Variants in NCKAP5 observed in about 807,000 individuals in gnomAD.
NCKAP5 encodes nck-associated protein 5.
A neutral mutation model predicts 167.0 loss-of-function variants in NCKAP5; 92 were observed. The ratio of observed to expected loss-of-function variants is 0.55; its 90% CI spans 0.47 to 0.66. NCKAP5 has a LOEUF of 0.66. Ranked by LOEUF, NCKAP5 falls within the 30% of genes least tolerant of loss-of-function variation. NCKAP5 has a pLI of 0.00. For missense variants in NCKAP5, 2,378 were observed against 2,315.0 expected (o/e 1.03, Z -0.56); for synonymous variants, 891 against 877.4 (o/e 1.02, Z -0.27).
chr2:133,128,863 C>T (rs2149790280), intron 6 of NCKAP5, among the ~76,000 whole-genome samples: 1 of 151,974 alleles, frequency 6.6e-6, no homozygotes, highest in East Asian at 1.9e-4. Flanking sequence ...CTTCCAAAGT[C>T]CTGGAATTAC....
At chr2:133,100,409 C>T (rs1178964609) in intron 6 of NCKAP5, among the ~76,000 whole-genome samples, 1 of 152,078 alleles carries the variant, frequency 6.6e-6, no homozygotes. Context: ...TGTAGTTGGG[C>T]CATTTTACAG....
At chr2:133,404,356 T>G (rs1165311486) in intron 3 of NCKAP5, among the ~76,000 whole-genome samples, 2 of 152,186 alleles carry the variant, frequency 1.3e-5, no homozygotes, top group African/African-American at 4.8e-5. Flanking sequence ...CCAAAACCAC[T>G]AGTGGATGCC....
intron 14 of NCKAP5, 54 bp from the exon 15 acceptor site, chr2:132,781,283 C>A: frequency 1.3e-6 from 2 of 1,525,080 alleles, no homozygotes. Context: ...TCTTCAATCA[C>A]TCTCCTTTTC....
At chr2:133,524,378 G>A (rs112068821) in intron 2 of NCKAP5, among the ~76,000 whole-genome samples, 1 of 152,244 alleles carries the variant, frequency 6.6e-6, no homozygotes. Flanking sequence ...ACCTTTATCC[G>A]TATCTCCACT....
At position 132,869,058 on chromosome 2, in the gene NCKAP5, A is replaced by G. The variant is rs567823918; in HGVS notation, c.649-84T>C. 49 of 924,108 alleles carry G rather than the reference A, an allele frequency of 5.3e-5. No homozygotes were observed. In the South Asian group the frequency reaches 8.6e-4, roughly 16 times the overall value. The allele number at this position is 924,108 out of a possible 1,614,324, so 57.2% of individuals were successfully genotyped here. On this transcript the variant is annotated intron_variant, in intron 9 of 19. Coordinates refer to ENST00000409261, the MANE Select transcript of NCKAP5 (RefSeq NM_207363.3). Reference sequence around the variant, plus strand: ...TCTAATTTACCAATAAGTTTCTCGCAGCTTATTGTAGCTAATTAGCTCCTC... The same window carrying G: ...TCTAATTTACCAATAAGTTTCTCGCGGCTTATTGTAGCTAATTAGCTCCTC...
the NCKAP5 span, among the ~76,000 whole-genome samples, chr2:133,633,209 A>G: frequency 6.6e-6 from 1 of 152,320 alleles, no homozygotes; most frequent in African/African-American, 2.4e-5. Flanking sequence ...TTGCAGCCTG[A>G]CTGAGCAGAA....
At chr2:132,674,529 C>A (rs192395544) in intron 19 of NCKAP5, among the ~76,000 whole-genome samples, 1 of 152,178 alleles carries the variant, frequency 6.6e-6, no homozygotes, top group Non-Finnish European at 1.5e-5. Flanking sequence ...CTTGCCAAAC[C>A]GTCTCTAACA....
Position 133,171,462 on chromosome 2 carries a change from G to A in NCKAP5, c.208-41351C>T, listed in dbSNP as rs145538655. Among the ~76,000 whole-genome samples, 423 of 152,300 alleles carry A rather than the reference G, an allele frequency of 2.8e-3. 2 individuals carry two copies. Among genetic ancestry groups the A allele is most frequent in the African/African-American group, 9.9e-3 (413 of 41,554 alleles). The stretch of plus-strand genomic sequence containing the variant: ...CCATTGGCCTCCGGTGGTGGTCTCT[G>A]AGGTGGTCTCTTTCTCACCCAAGAG... On this transcript the variant is annotated intron_variant, in intron 5 of 19. Transcript: ENST00000409261.
intron 3 of NCKAP5, among the ~76,000 whole-genome samples, chr2:133,499,407 C>T (rs1008125): frequency 0.39 from 59,384 of 152,002 alleles, 11,645 homozygotes; most frequent in Non-Finnish European, 0.4. Context: ...CTAGATGGAA[C>T]ATCATAAACA....
chr2:133,616,938 A>C, the NCKAP5 span, among the ~76,000 whole-genome samples: 1 of 152,242 alleles, frequency 6.6e-6, no homozygotes, highest in Non-Finnish European at 1.5e-5. Context: ...GCAGCACATC[A>C]AGAAGGTTAT....
chr2:133,495,577 T>G (rs1681871847), intron 3 of NCKAP5, among the ~76,000 whole-genome samples: 1 of 152,180 alleles, frequency 6.6e-6, no homozygotes, highest in South Asian at 2.1e-4. Context: ...TTACTGCAAC[T>G]ACTGTTTCAT....
At chr2:133,223,186 A>C (rs2086727821) in intron 4 of NCKAP5, among the ~76,000 whole-genome samples, 1 of 152,184 alleles carries the variant, frequency 6.6e-6, no homozygotes, top group Non-Finnish European at 1.5e-5. Flanking sequence ...CCAAATGTCT[A>C]TATTGAAATT....
chr2:132,826,045 T>C (rs768671241), intron 11 of NCKAP5, among the ~76,000 whole-genome samples: 11 of 151,936 alleles, frequency 7.2e-5, no homozygotes, highest in Non-Finnish European at 1.5e-4. Context: ...TTCTGTGGAG[T>C]TTTCAATTGC....
intron 3 of NCKAP5, among the ~76,000 whole-genome samples, chr2:133,347,095 T>C (rs925502166): frequency 3.3e-5 from 5 of 152,238 alleles, no homozygotes; most frequent in African/African-American, 1.2e-4. Flanking sequence ...TTAAAAGTTC[T>C]ACAAAGCTAT....
At chr2:133,283,612 ATTTT>A (rs34533937) in intron 4 of NCKAP5, among the ~76,000 whole-genome samples, 1 of 143,332 alleles carries the variant, frequency 7.0e-6, no homozygotes. Flanking sequence ...GCTGAAAAGG[ATTTT>A]TTTTTTTTTT....
chr2:133,577,087 A>C, the NCKAP5 span, among the ~76,000 whole-genome samples: 458 of 152,244 alleles, frequency 3.0e-3, 5 homozygotes, highest in African/African-American at 0.01. Flanking sequence ...CCCACCCCCA[A>C]CATCAAACTT....
At chr2:133,016,447 C>T (rs1158892466) in intron 6 of NCKAP5, among the ~76,000 whole-genome samples, 2 of 152,122 alleles carry the variant, frequency 1.3e-5, no homozygotes, top group Non-Finnish European at 2.9e-5. Context: ...GGAAACAAAT[C>T]TTTACAGGCC....
At chr2:132,777,054 T>C (rs1001342059) in intron 15 of NCKAP5, among the ~76,000 whole-genome samples, 2 of 152,200 alleles carry the variant, frequency 1.3e-5, no homozygotes, top group Admixed American at 6.5e-5. Context: ...AACAAGTCCA[T>C]GTCAGTTATG....
chr2:133,476,102 T>C (rs1273447802), intron 3 of NCKAP5, among the ~76,000 whole-genome samples: 3 of 152,234 alleles, frequency 2.0e-5, no homozygotes, highest in African/African-American at 7.2e-5. Context: ...CAGTTCTGCA[T>C]GTGATTTGAA....
Sources: allele counts gnomAD v4.1 joint callset (sites outside exome capture counted in the v4.1 genomes callset), GRCh38; gene constraint gnomAD v4.1.1; transcripts MANE v1.5; gene names NCBI Gene and HGNC (gene_info 2026-07-23, HGNC 2026-07-21).